PTPRD: variants seen among roughly 807,000 people sequenced by gnomAD.
The protein encoded by PTPRD is receptor-type tyrosine-protein phosphatase delta.
PTPRD carries 34 observed loss-of-function variants against 214.5 expected under a neutral mutation model. The observed-to-expected ratio is 0.16, with a 90% CI of 0.12 to 0.21. The LOEUF (loss-of-function observed/expected upper bound fraction) is 0.21. PTPRD is among the 10% of genes least tolerant of loss of function. PTPRD has a pLI of 1.00. For synonymous variants in PTPRD, 1,128 were observed against 845.7 expected, an observed-to-expected ratio of 1.33 and a Z score of -5.79; for missense variants, 2,545 against 2,398.7, an observed-to-expected ratio of 1.06 and a Z score of -1.27.
At position 10,484,058 on chromosome 9, in the gene PTPRD, G is replaced by A. The variant is rs10117656; in HGVS notation, c.-600+128340C>T. Among the ~76,000 whole-genome samples, 1,087 of 151,950 alleles carry A rather than the reference G, an allele frequency of 7.2e-3. 14 individuals carry two copies. Among genetic ancestry groups the A allele is most frequent in the African/African-American group, 0.025 (1,040 of 41,444 alleles). Reference sequence around the variant, plus strand: ...ACCAGTGAATGAATATAGAAAATGCGGTATGTGTGTAAACATACACACACA... The same window carrying A: ...ACCAGTGAATGAATATAGAAAATGCAGTATGTGTGTAAACATACACACACA... On this transcript the variant is annotated intron_variant, in intron 2 of 45. Coordinates refer to ENST00000381196, the MANE Select transcript of PTPRD (RefSeq NM_002839.4).
At chr9:9,695,346 C>T (rs2097353417) in intron 7 of PTPRD, among the ~76,000 whole-genome samples, 1 of 152,126 alleles carries the variant, frequency 6.6e-6, no homozygotes, top group Non-Finnish European at 1.5e-5. Context: ...CTTCACTCTC[C>T]TCTTTTTAAG....
chr9:9,576,674 G>T lies in PTPRD; in HGVS notation c.-286-1893C>A, dbSNP rs189666194. On this transcript the variant is annotated intron_variant, in intron 7 of 45. Transcript: ENST00000381196. The stretch of plus-strand genomic sequence containing the variant: ...GTATTAGAATTAACATTTGGCTGAA[G>T]CTAAATATTACCATTGTAGAATAAA... 1.8e-4 allele frequency among the ~76,000 whole-genome samples: 27 copies of T among 152,242 alleles called. No homozygotes were observed. In the East Asian group the frequency reaches 5.2e-3, roughly 29 times the overall value.
At chr9:10,243,849 A>G (rs1359089976) in intron 3 of PTPRD, among the ~76,000 whole-genome samples, 1 of 151,984 alleles carries the variant, frequency 6.6e-6, no homozygotes, top group Non-Finnish European at 1.5e-5. Context: ...ATATGTATTC[A>G]TATTTTATGT....
At chr9:9,742,628 T>C (rs1330300772) in intron 6 of PTPRD, among the ~76,000 whole-genome samples, 1 of 150,742 alleles carries the variant, frequency 6.6e-6, no homozygotes, top group Non-Finnish European at 1.5e-5. Flanking sequence ...AGCCATATTC[T>C]TTATCAACCT....
intron 14 of PTPRD, among the ~76,000 whole-genome samples, chr9:8,574,529 C>G (rs2091948542): frequency 6.6e-6 from 1 of 151,924 alleles, no homozygotes; most frequent in African/African-American, 2.4e-5. Flanking sequence ...CTGGAAAACA[C>G]CTAGGTGGTA....
chr9:9,824,993 T>C (rs749957331), intron 5 of PTPRD, among the ~76,000 whole-genome samples: 17 of 152,022 alleles, frequency 1.1e-4, no homozygotes, highest in Non-Finnish European at 1.5e-4. Context: ...TCTTGCACAA[T>C]TGAACTAATC....
chr9:9,628,297 G>C (rs1218540675), intron 7 of PTPRD, among the ~76,000 whole-genome samples: 1 of 152,104 alleles, frequency 6.6e-6, no homozygotes, highest in Non-Finnish European at 1.5e-5. Context: ...CTCTAGTTTT[G>C]CTCTTACAGG....
chr9:10,108,388 T>A (rs1366849783), intron 3 of PTPRD, among the ~76,000 whole-genome samples: 4 of 152,076 alleles, frequency 2.6e-5, no homozygotes, highest in Non-Finnish European at 5.9e-5. Flanking sequence ...CTATAGTCAC[T>A]GTGATGTATG....
intron 3 of PTPRD, among the ~76,000 whole-genome samples, chr9:10,136,219 A>T (rs1308700973): frequency 6.6e-6 from 1 of 152,088 alleles, no homozygotes; most frequent in Non-Finnish European, 1.5e-5. Context: ...CAACATTGGC[A>T]CTCAGATTCA....
intron 2 of PTPRD, among the ~76,000 whole-genome samples, chr9:10,566,938 C>T (rs113819102): frequency 0.033 from 5,063 of 152,120 alleles, 283 homozygotes; most frequent in African/African-American, 0.11. Context: ...TTTCACATGA[C>T]TACCTCTCAC....
intron 8 of PTPRD, among the ~76,000 whole-genome samples, chr9:9,568,817 T>C (rs757958776): frequency 5.3e-5 from 8 of 151,802 alleles, no homozygotes; most frequent in Non-Finnish European, 1.2e-4. Flanking sequence ...GAAGACCTTT[T>C]TGTAGCTGGA....
At chr9:10,002,789 T>C (rs2096362192) in intron 4 of PTPRD, among the ~76,000 whole-genome samples, 1 of 150,428 alleles carries the variant, frequency 6.6e-6, no homozygotes, top group Non-Finnish European at 1.5e-5. Flanking sequence ...AAAAAGTAGA[T>C]GATAAAAAAA....
chr9:8,430,427 C>T (rs112955863), intron 35 of PTPRD, among the ~76,000 whole-genome samples: 3,534 of 142,338 alleles, frequency 0.025, 69 homozygotes, highest in East Asian at 0.13. Context: ...CATGCCACCA[C>T]GACAGGCTAA....
intron 10 of PTPRD, among the ~76,000 whole-genome samples, chr9:9,162,419 TG>T (rs2099891590): frequency 6.6e-6 from 1 of 152,154 alleles, no homozygotes; most frequent in Admixed American, 6.6e-5. Context: ...TTAAAACCAC[TG>T]GGGGAAAACT....
At chr9:8,970,926 C>CAACAACAAA (rs1555626208) in intron 11 of PTPRD, among the ~76,000 whole-genome samples, 3 of 151,028 alleles carry the variant, frequency 2.0e-5, no homozygotes, top group Admixed American at 1.3e-4. Context: ...AAAACAACAA[C>CAACAACAAA]AAAAACCAAA....
At chr9:9,696,768 C>T (rs1264232693) in intron 7 of PTPRD, among the ~76,000 whole-genome samples, 2 of 151,910 alleles carry the variant, frequency 1.3e-5, no homozygotes, top group African/African-American at 4.8e-5. Context: ...ACACTCTTTG[C>T]CATTTAATGG....
At chr9:8,676,786 C>T (rs2097429297) in intron 12 of PTPRD, among the ~76,000 whole-genome samples, 1 of 152,148 alleles carries the variant, frequency 6.6e-6, no homozygotes, top group African/African-American at 2.4e-5. Flanking sequence ...TTTGGTCAAG[C>T]TGGTCTCGAA....
intron 9 of PTPRD, among the ~76,000 whole-genome samples, chr9:9,271,492 G>A (rs904252009): frequency 2.0e-5 from 3 of 151,134 alleles, no homozygotes; most frequent in African/African-American, 7.3e-5. Context: ...ACAGCAAGTG[G>A]TAAAAAATCC....
chr9:10,176,924 A>G (rs972249173), intron 3 of PTPRD, among the ~76,000 whole-genome samples: 2 of 151,948 alleles, frequency 1.3e-5, no homozygotes, highest in Admixed American at 6.6e-5. Flanking sequence ...TAAAAGACAA[A>G]CAGCAAGCAC....
Sources: gnomAD v4.1 joint callset for allele counts (sites outside exome capture counted in the v4.1 genomes callset) on GRCh38, gnomAD v4.1.1 for gene constraint, MANE v1.5 for transcripts, NCBI Gene and HGNC (gene_info 2026-07-23, HGNC 2026-07-21) for gene names.